The following GAPDH variants were observed in gnomAD, a reference collection of about 807,000 sequenced individuals.
The protein encoded by GAPDH is OCAS, p38 component.
A neutral mutation model predicts 31.2 loss-of-function variants in GAPDH; 13 were observed. That is an observed-to-expected ratio of 0.42 (90% CI 0.27 to 0.66). The LOEUF is 0.66. Among genes scored for constraint, GAPDH ranks in the 30% least tolerant of loss-of-function variants. The pLI, the probability that GAPDH is intolerant of heterozygous loss-of-function variation, is 0.26. For missense variants in GAPDH, 300 were observed against 443.7 expected (o/e 0.68, Z 2.91); for synonymous variants, 211 against 166.9 (o/e 1.26, Z -2.04).
chr12:6,535,152 A>G, intron 2 of GAPDH: 1 of 1,028,724 alleles, frequency 9.7e-7, no homozygotes, highest in Non-Finnish European at 1.3e-6. Flanking sequence ...TAGGTGGGGG[A>G]CGCTTTCTTT....
Position 6,537,087 on chromosome 12 carries a change from C to T in GAPDH, c.328-14C>T, listed in dbSNP as rs1946488636. On this transcript the variant is annotated splice_polypyrimidine_tract_variant and intron_variant, in intron 5 of 8. Coordinates refer to ENST00000229239, the MANE Select transcript of GAPDH (RefSeq NM_002046.7). The surrounding 1 kb of genome is among the most constrained non-coding windows in gnomAD (Gnocchi z 4.9). The stretch of plus-strand genomic sequence containing the variant: ...CAGGACCCGGGTTCATAACTGTCTG[C>T]TTCTCTGCTGTAGGCTCATTTGCAG... The T allele has an allele frequency of 1.2e-6, 2 of 1,609,338 alleles. No individual in the cohort carries two copies. The highest frequency in any genetic ancestry group is 2.2e-5 in the East Asian group (1 of 44,580).
At position 6,536,587 on chromosome 12, in the gene GAPDH, C is replaced by G. The variant is rs142283743; in HGVS notation, c.123C>G (p.Asn41Lys). The change falls in exon 3 of 9, where the codon AAC (asparagine) becomes AAG (lysine). Residue 41 changes from asparagine (N) to lysine (K), a missense_variant. Transcript: ENST00000229239. ...TCAATGACCCCTTCATTGACCTCAA[C>G]TACATGGTGAGTGCTACATGGTGAG... ...VAINDPFIDL[N>K]YMVYMFQYDS... 394 of 1,613,150 alleles carry G rather than the reference C, an allele frequency of 2.4e-4. 1 individual carries two copies. Among genetic ancestry groups the G allele is most frequent in the South Asian group, 3.5e-4 (32 of 91,062 alleles).
chr12:6,535,790 CA>C (rs1174880910), intron 2 of GAPDH, among the ~76,000 whole-genome samples: 2 of 152,170 alleles, frequency 1.3e-5, no homozygotes, highest in Non-Finnish European at 2.9e-5. Flanking sequence ...CCAGATCTCC[CA>C]CCGCACCCTG....
At chr12:6,535,519 C>T (rs1946444311) in intron 2 of GAPDH, 1 of 896,692 alleles carries the variant, frequency 1.1e-6, no homozygotes, top group Admixed American at 6.2e-5. Flanking sequence ...CCCCTCCCCG[C>T]AGAGGTGTGG....
Position 6,537,035 on chromosome 12 carries a change from G to A in GAPDH, c.327+25G>A. ...GGTGAGTGCAGGAGGGCCCGCGGGA[G>A]GGGAAGCTGACTCAGCCCTGCAAAG... On this transcript the variant is annotated intron_variant, in intron 5 of 8. Transcript: ENST00000229239. The surrounding 1 kb of genome is among the most constrained non-coding windows in gnomAD (Gnocchi z 4.9). 6.2e-7 allele frequency: 1 copy of A among 1,608,756 alleles called. No homozygotes were observed. The highest frequency in any genetic ancestry group is 8.5e-7 in the Non-Finnish European group (1 of 1,177,440).
chr12:6,537,157 C>T lies in GAPDH; in HGVS notation c.384C>T (p.Ala128=). ...RVIISAPSAD[A]PMFVMGVNHE... is the part of the protein sequence containing the mutation. ...TCATCTCTGCCCCCTCTGCTGATGC[C>T]CCCATGTTCGTCATGGGTGTGAACC... The change falls in exon 6 of 9, where the codon GCC becomes GCT. Residue 128 remains alanine, a synonymous_variant. Transcript: ENST00000229239. The surrounding 1 kb of genome is among the most constrained non-coding windows in gnomAD (Gnocchi z 4.9). The T allele has an allele frequency of 6.2e-7, 1 of 1,613,740 alleles. No homozygotes were observed. The highest frequency in any genetic ancestry group is 8.5e-7 in the Non-Finnish European group (1 of 1,179,978).
chr12:6,537,282 T>TG lies in GAPDH; in HGVS notation c.444-26dup, dbSNP rs755059399. On this transcript the variant is annotated intron_variant, in intron 6 of 8. Transcript: ENST00000229239. The surrounding 1 kb of genome is among the most constrained non-coding windows in gnomAD (Gnocchi z 4.9). ...ACCCTATGGACACGCTCCCCTGACT[T>TG]GCGCCCCGCTCCCTCTTTCTTTGCA... 6 of 1,600,446 alleles carry TG rather than the reference T, an allele frequency of 3.7e-6. No individual in the cohort carries two copies. Among genetic ancestry groups the TG allele is most frequent in the South Asian group, 3.5e-5 (3 of 86,930 alleles).
chr12:6,537,139 T>A lies in GAPDH; in HGVS notation c.366T>A (p.Ser122=). The change falls in exon 6 of 9, where the codon TCT becomes TCA. Residue 122 remains serine, a synonymous_variant. Coordinates refer to ENST00000229239, the MANE Select transcript of GAPDH (RefSeq NM_002046.7). The surrounding 1 kb of genome is among the most constrained non-coding windows in gnomAD (Gnocchi z 4.9). ...GGGGAGCCAAAAGGGTCATCATCTC[T>A]GCCCCCTCTGCTGATGCCCCCATGT... ...LQGGAKRVII[S]APSADAPMFV... 1 of 1,613,944 alleles carries A rather than the reference T, an allele frequency of 6.2e-7. No individual in the cohort carries two copies. The highest frequency in any genetic ancestry group is 8.5e-7 in the Non-Finnish European group (1 of 1,179,958).
Position 6,537,772 on chromosome 12 carries a change from C to T in GAPDH, c.714C>T (p.Ala238=), listed in dbSNP as rs778691759. ...LTGMAFRVPT[A]NVSVVDLTCR... is the part of the protein sequence containing the mutation. ...GCATGGCCTTCCGTGTCCCCACTGC[C>T]AACGTGTCAGTGGTGGACCTGACCT... The change falls in exon 8 of 9, where the codon GCC becomes GCT. Residue 238 remains alanine, a synonymous_variant. Transcript: ENST00000229239. This position sits in a 1 kb window ranked among gnomAD's most constrained non-coding sequence, Gnocchi z 4.9. 5.6e-6 allele frequency: 9 copies of T among 1,611,796 alleles called. No homozygotes were observed. The highest frequency in any genetic ancestry group is 4.5e-5 in the East Asian group (2 of 44,884).
Position 6,537,270 on chromosome 12 carries a change from G to A in GAPDH, c.444-39G>A, listed in dbSNP as rs1255577066. On this transcript the variant is annotated intron_variant, in intron 6 of 8. Transcript: ENST00000229239. The surrounding 1 kb of genome is among the most constrained non-coding windows in gnomAD (Gnocchi z 4.9). ...GGCCAGCCTGGCACCCTATGGACAC[G>A]CTCCCCTGACTTGCGCCCCGCTCCC... 7.5e-6 allele frequency: 12 copies of A among 1,597,774 alleles called. No homozygotes were observed. The highest frequency in any genetic ancestry group is 4.0e-5 in the African/African-American group (3 of 74,738).
chr12:6,537,976 C>T lies in GAPDH; in HGVS notation c.918C>T (p.His306=). The T allele has an allele frequency of 6.2e-7, 1 of 1,613,468 alleles. No homozygotes were observed. Among genetic ancestry groups the T allele is most frequent in the Non-Finnish European group, 8.5e-7 (1 of 1,179,516 alleles). ...GGGCTGGCATTGCCCTCAACGACCA[C>T]TTTGTCAAGCTCATTTCCTGGTATG... is the stretch of plus-strand genomic sequence containing the variant. ...DAGAGIALND[H]FVKLISWYDN... The change falls in exon 8 of 9, where the codon CAC becomes CAT. Residue 306 remains histidine (H), a synonymous_variant. Coordinates refer to ENST00000229239, the MANE Select transcript of GAPDH (RefSeq NM_002046.7). The surrounding 1 kb of genome is among the most constrained non-coding windows in gnomAD (Gnocchi z 4.9).
intron 2 of GAPDH, 22 bp from the exon 3 acceptor site, chr12:6,536,472 C>A: frequency 1.3e-6 from 2 of 1,586,140 alleles, no homozygotes; most frequent in South Asian, 2.2e-5. Flanking sequence ...CTCCTCATGC[C>A]TTCTTGCCTC....
At position 6,537,403 on chromosome 12, in the gene GAPDH, G is replaced by A. The variant is rs750520556; in HGVS notation, c.525+13G>A. 8.7e-6 allele frequency: 14 copies of A among 1,606,966 alleles called. No individual in the cohort carries two copies. The Admixed American group carries it at 1.0e-4, about 11-fold the overall frequency. On this transcript the variant is annotated intron_variant, in intron 7 of 8. Coordinates refer to ENST00000229239, the MANE Select transcript of GAPDH (RefSeq NM_002046.7). This position sits in a 1 kb window ranked among gnomAD's most constrained non-coding sequence, Gnocchi z 4.9. ...GGAAGGACTCATGGTATGAGAGCTGGGGAATGGGACTGAGGCTCCCACCTT... is the reference window on the plus strand; with the variant it reads ...GGAAGGACTCATGGTATGAGAGCTGAGGAATGGGACTGAGGCTCCCACCTT...
rs779153011 is a variant in GAPDH, at chr12:6,537,295, C to T, written c.444-14C>T. 1.9e-6 allele frequency: 3 copies of T among 1,601,200 alleles called. No homozygotes were observed. Among genetic ancestry groups the T allele is most frequent in the Non-Finnish European group, 2.5e-6 (3 of 1,179,224 alleles). On this transcript the variant is annotated splice_polypyrimidine_tract_variant and intron_variant, in intron 6 of 8. Coordinates refer to ENST00000229239, the MANE Select transcript of GAPDH (RefSeq NM_002046.7). This position sits in a 1 kb window ranked among gnomAD's most constrained non-coding sequence, Gnocchi z 4.9. ...GCTCCCCTGACTTGCGCCCCGCTCC[C>T]TCTTTCTTTGCAGCAATGCCTCCTG...
At position 6,538,105 on chromosome 12, in the gene GAPDH, GAC is replaced by G; in HGVS notation, c.945_946del (p.Asp315GlufsTer63). 1 of 1,614,012 alleles carries G rather than the reference GAC, an allele frequency of 6.2e-7. No homozygotes were observed. ...DHFVKLISWY[D>X]NEFGYSNRVV... is the part of the protein sequence containing the mutation. Reference sequence around the variant, plus strand: ...ACAACTCTTTTCATCTTCTAGGTATGACAACGAATTTGGCTACAGCAACAGGG... The same window carrying G: ...ACAACTCTTTTCATCTTCTAGGTATGAACGAATTTGGCTACAGCAACAGGG... On this transcript the variant is annotated frameshift_variant, in exon 9 of 9. Transcript: ENST00000229239. LOFTEE classifies it high-confidence loss of function.
chr12:6,537,203 C>T lies in GAPDH; in HGVS notation c.430C>T (p.Leu144Phe). ...GAACCATGAGAAGTATGACAACAGC[C>T]TCAAGATCATCAGGTGAGGAAGGCA... ...GVNHEKYDNSLKIISNASCTT... is the reference protein window; with the variant it reads ...GVNHEKYDNSFKIISNASCTT... Residue 144 changes from leucine to phenylalanine, a missense_variant, in exon 6 of 9, where the codon CTC becomes TTC. Coordinates refer to ENST00000229239, the MANE Select transcript of GAPDH (RefSeq NM_002046.7). This position sits in a 1 kb window ranked among gnomAD's most constrained non-coding sequence, Gnocchi z 4.9. The T allele has an allele frequency of 3.7e-6, 6 of 1,612,394 alleles. No individual in the cohort carries two copies. Among genetic ancestry groups the T allele is most frequent in the African/African-American group, 2.7e-5 (2 of 75,018 alleles).
intron 4 of GAPDH, 56 bp from the exon 5 acceptor site, chr12:6,536,864 G>T: frequency 6.9e-6 from 11 of 1,587,048 alleles, no homozygotes; most frequent in Non-Finnish European, 9.5e-6. Flanking sequence ...TTGGGTATAT[G>T]GTAACCTTGT....
At chr12:6,535,051 C>A in intron 2 of GAPDH, 190 bp downstream of exon 2, 1 of 798,480 alleles carries the variant, frequency 1.3e-6, no homozygotes, top group Non-Finnish European at 1.9e-6. Context: ...TGCAGCTCCG[C>A]CCTTGCGGCG....
chr12:6,536,179 A>G (rs1946460065), intron 2 of GAPDH, among the ~76,000 whole-genome samples: 1 of 152,178 alleles, frequency 6.6e-6, no homozygotes, highest in African/African-American at 2.4e-5. Flanking sequence ...CTGGGGTGGC[A>G]TAGTGGGGTG....
Sources: gnomAD v4.1 joint callset for allele counts (sites outside exome capture counted in the v4.1 genomes callset) on GRCh38, gnomAD v4.1.1 for gene constraint, Gnocchi (gnomAD v3.1) non-coding constraint, MANE v1.5 for transcripts, NCBI Gene and HGNC (gene_info 2026-07-23, HGNC 2026-07-21) for gene names.